Variants in OCRL observed in about 807,000 individuals in gnomAD.
The protein encoded by OCRL is inositol polyphosphate 5-phosphatase OCRL.
In OCRL, 8 loss-of-function variants were observed where a neutral mutation model predicts 78.9. The ratio of observed to expected loss-of-function variants is 0.10; its 90% CI spans 0.06 to 0.18. The LOEUF (loss-of-function observed/expected upper bound fraction) is 0.18, where lower values mean the gene tolerates loss of function less well. OCRL is among the 10% of genes least tolerant of loss of function. OCRL has a pLI of 1.00. For synonymous variants in OCRL, 240 were observed against 235.4 expected, an observed-to-expected ratio of 1.02 and a Z score of -0.18; for missense variants, 454 against 696.7, an observed-to-expected ratio of 0.65 and a Z score of 3.92.
chrX:129,586,174 A>G (rs767902282), intron 19 of OCRL, among the ~76,000 whole-genome samples: 5 of 111,918 alleles, frequency 4.5e-5, no homozygotes, highest in Non-Finnish European at 7.5e-5. Flanking sequence ...TCCAATTCAC[A>G]TATAGTGATT....
At position 129,591,301 on chromosome X, in the gene OCRL, T is replaced by G. The variant is rs1421681016; in HGVS notation, c.*1031T>G. ...CCAAGGGCAGATGTCACCTCCTTCC[T>G]CAGCAGGACTGACTCTGGGCTCTAC... is the stretch of plus-strand genomic sequence containing the variant. On this transcript the variant is annotated 3_prime_UTR_variant, in exon 24 of 24. Coordinates refer to ENST00000371113, the MANE Select transcript of OCRL (RefSeq NM_000276.4). 8.9e-6 allele frequency: 1 copy of G among 112,090 alleles called. No individual in the cohort carries two copies. Among genetic ancestry groups the G allele is most frequent in the Non-Finnish European group, 1.9e-5 (1 of 53,203 alleles). 9.2% of individuals were successfully genotyped at this position (112,090 alleles called of 1,213,427 possible).
At chrX:129,565,638 A>C in intron 12 of OCRL, 134 bp from the exon 13 acceptor site, 2 of 507,367 alleles carry the variant, frequency 3.9e-6, no homozygotes, top group South Asian at 5.6e-5. Context: ...AGGATTAGTT[A>C]CAACTTTAAA....
chrX:129,540,654 T>G (rs866920909), intron 1 of OCRL, 90 bp from the exon 2 acceptor site: 104 of 453,541 alleles, frequency 2.3e-4, no homozygotes, highest in African/African-American at 9.7e-4. Flanking sequence ...AGGGCGGCGG[T>G]GGGGGGGGGG....
At chrX:129,588,011 G>A (rs1936536364) in intron 20 of OCRL, among the ~76,000 whole-genome samples, 168 bp from the exon 21 acceptor site, 1 of 111,840 alleles carries the variant, frequency 8.9e-6, no homozygotes, top group Non-Finnish European at 1.9e-5. Flanking sequence ...ACATGGATTA[G>A]AGAAATGCTA....
At chrX:129,550,343 T>C (rs1312405195) in intron 4 of OCRL, among the ~76,000 whole-genome samples, 4 of 112,206 alleles carry the variant, frequency 3.6e-5, no homozygotes, top group Non-Finnish European at 7.5e-5. Context: ...CATTTAACAT[T>C]ATATTGTCCC....
intron 18 of OCRL, among the ~76,000 whole-genome samples, chrX:129,577,650 G>C (rs1434433987): frequency 9.0e-6 from 1 of 111,559 alleles, no homozygotes; most frequent in Non-Finnish European, 1.9e-5. Flanking sequence ...CCATGGAATT[G>C]TTTTAGCTGT....
chrX:129,581,863 CTCTG>C (rs1243205371), intron 18 of OCRL, among the ~76,000 whole-genome samples: 69 of 93,072 alleles, frequency 7.4e-4, no homozygotes, highest in African/African-American at 2.7e-3. Context: ...CTCTCTCTCT[CTCTG>C]TCTCTGTCTC....
chrX:129,587,871 T>TA (rs1372636575), intron 20 of OCRL, among the ~76,000 whole-genome samples: 2 of 108,886 alleles, frequency 1.8e-5, no homozygotes, highest in African/African-American at 6.7e-5. Context: ...CCCATCTCTA[T>TA]AAAAAAAAAT....
chrX:129,584,919 A>G (rs954998829), intron 19 of OCRL, among the ~76,000 whole-genome samples: 7 of 111,932 alleles, frequency 6.3e-5, no homozygotes, highest in Non-Finnish European at 1.3e-4. Flanking sequence ...TGAGACAACC[A>G]AGGCCCAGAA....
At chrX:129,575,330 A>T (rs1276014117) in intron 16 of OCRL, 80 bp downstream of exon 16, 3 of 641,350 alleles carry the variant, frequency 4.7e-6, no homozygotes, top group Non-Finnish European at 7.5e-6. Flanking sequence ...AAAAGGCTAC[A>T]TAGCAACGTG....
intron 16 of OCRL, 43 bp downstream of exon 16, chrX:129,575,293 G>GAC (rs1936354650): frequency 1.1e-6 from 1 of 900,053 alleles, no homozygotes; most frequent in African/African-American, 2.0e-5. Context: ...GCTCACTGTG[G>GAC]TTAGCACAGA....
chrX:129,590,071 A>C, intron 23 of OCRL, 75 bp from the exon 24 acceptor site: 1 of 1,199,457 alleles, frequency 8.3e-7, no homozygotes, highest in Non-Finnish European at 1.1e-6. Flanking sequence ...CCTTGTCCCC[A>C]GGCCCTCCAG....
At chrX:129,573,997 A>G (rs1012111445) in intron 15 of OCRL, among the ~76,000 whole-genome samples, 1 of 112,228 alleles carries the variant, frequency 8.9e-6, no homozygotes, top group East Asian at 2.8e-4. Flanking sequence ...CAGTAAACAT[A>G]TGTGTGCATG....
At position 129,561,864 on chromosome X, in the gene OCRL, T is replaced by A. The variant is rs191194657; in HGVS notation, c.940-520T>A. Among the ~76,000 whole-genome samples, 569 of 112,199 alleles carry A rather than the reference T, an allele frequency of 5.1e-3. 1 individual carries two copies. The highest frequency in any genetic ancestry group is 0.014 in the Middle Eastern group (3 of 218). On this transcript the variant is annotated intron_variant, in intron 10 of 23. Coordinates refer to ENST00000371113, the MANE Select transcript of OCRL (RefSeq NM_000276.4). ...GTAATGTGAGTAATTTTTCTCTACA[T>A]CTTCTAACAGTTTATATAGGTAATA...
chrX:129,589,676 T>C, intron 22 of OCRL, 169 bp from the exon 23 acceptor site: 3 of 465,320 alleles, frequency 6.4e-6, no homozygotes, highest in Non-Finnish European at 1.1e-5. Flanking sequence ...ACTTTGAAGT[T>C]ATAATTTGGA....
intron 4 of OCRL, among the ~76,000 whole-genome samples, chrX:129,555,607 A>C (rs1205802276): frequency 5.3e-5 from 6 of 112,615 alleles, no homozygotes; most frequent in African/African-American, 1.3e-4. Flanking sequence ...ACAGAGGTCC[A>C]GAAGGTTTTA....
At chrX:129,575,629 A>G in intron 16 of OCRL, 1 of 411,379 alleles carries the variant, frequency 2.4e-6, no homozygotes, top group South Asian at 3.6e-5. Context: ...GAATACTCTG[A>G]ACCAAGGTTG....
At position 129,576,559 on chromosome X, in the gene OCRL, A is replaced by G. The variant is rs1215800004; in HGVS notation, c.2115+7A>G. On this transcript the variant is annotated splice_region_variant and intron_variant, in intron 18 of 23. Transcript: ENST00000371113. Reference sequence around the variant, plus strand: ...TACCAAACTCATAGACTTGGTAAGAACTGTCCCAAGACATAAACCTCTTTT... The same window carrying G: ...TACCAAACTCATAGACTTGGTAAGAGCTGTCCCAAGACATAAACCTCTTTT... 1.8e-6 allele frequency: 2 copies of G among 1,131,266 alleles called. No homozygotes were observed. The highest frequency in any genetic ancestry group is 2.4e-6 in the Non-Finnish European group (2 of 823,996). 93.2% of individuals were successfully genotyped at this position (1,131,266 alleles called of 1,213,427 possible).
At chrX:129,565,504 C>T (rs1252057288) in intron 12 of OCRL, among the ~76,000 whole-genome samples, 1 of 112,186 alleles carries the variant, frequency 8.9e-6, no homozygotes, top group Non-Finnish European at 1.9e-5. Flanking sequence ...AGTCCATTAA[C>T]TCCTTGGCTT....
Sources: gnomAD v4.1 joint callset for allele counts (sites outside exome capture counted in the v4.1 genomes callset) on GRCh38, gnomAD v4.1.1 for gene constraint, MANE v1.5 for transcripts, NCBI Gene and HGNC (gene_info 2026-07-23, HGNC 2026-07-21) for gene names.